CABIN1: variants seen among roughly 807,000 people sequenced by gnomAD.
CABIN1 encodes the protein calcineurin binding protein 1.
In CABIN1, 133 loss-of-function variants were observed where a neutral mutation model predicts 227.7. That is an observed-to-expected ratio of 0.58 (90% CI 0.51 to 0.67). The LOEUF (loss-of-function observed/expected upper bound fraction) is 0.67. Ranked by LOEUF, CABIN1 falls within the 30% of genes least tolerant of loss-of-function variation. CABIN1 has a pLI of 0.00. For synonymous variants in CABIN1, 1,086 were observed against 1,155.1 expected (o/e 0.94, Z 1.21); for missense variants, 2,408 against 2,852.5 (o/e 0.84, Z 3.55).
Position 24,063,044 on chromosome 22 carries a change from A to G in CABIN1, c.1782A>G (p.Leu594=). ...GGACCCACTGCCTGGGTGACCTCCTACAGCTGTCATTTGCCTCGTCCCAGC... is the reference window on the plus strand; with the variant it reads ...GGACCCACTGCCTGGGTGACCTCCTGCAGCTGTCATTTGCCTCGTCCCAGC... The part of the protein sequence containing the change: ...FPGTHCLGDL[L]QLSFASSQRD... Residue 594 remains leucine, a synonymous_variant, in exon 14 of 37, where the codon CTA becomes CTG. Transcript: ENST00000263119. The G allele has an allele frequency of 6.2e-7, 1 of 1,614,036 alleles. No homozygotes were observed. Among genetic ancestry groups the G allele is most frequent in the African/African-American group, 1.3e-5 (1 of 74,992 alleles).
At chr22:24,109,803 C>T (rs968144932) in intron 26 of CABIN1, among the ~76,000 whole-genome samples, 2 of 152,230 alleles carry the variant, frequency 1.3e-5, no homozygotes, top group Admixed American at 6.5e-5. Context: ...GGAACTTGAA[C>T]TTAGCTCTCT....
chr22:24,065,353 C>T (rs2039560296), intron 15 of CABIN1, among the ~76,000 whole-genome samples: 1 of 148,140 alleles, frequency 6.8e-6, no homozygotes, highest in Admixed American at 6.7e-5. Context: ...AGAGGCGCTC[C>T]TCACATCTCA....
At chr22:24,108,063 G>T (rs1051753615) in intron 26 of CABIN1, among the ~76,000 whole-genome samples, 3 of 152,236 alleles carry the variant, frequency 2.0e-5, no homozygotes, top group Non-Finnish European at 4.4e-5. Flanking sequence ...ATGCTGCAGG[G>T]CTGTCACTTG....
At position 24,012,126 on chromosome 22, in the gene CABIN1, A is replaced by G. The variant is rs569438596; in HGVS notation, c.-75+759A>G. ...GTGTTTACATTGTTATATTGTAAGT[A>G]TAATGAGTATAATAGTATTCATAAT... On this transcript the variant is annotated intron_variant, in intron 1 of 36. Transcript: ENST00000263119. Among the ~76,000 whole-genome samples, 10 of 152,344 alleles carry G rather than the reference A, an allele frequency of 6.6e-5. No homozygotes were observed. The East Asian group carries it at 1.7e-3, about 26-fold the overall frequency.
chr22:24,100,811 C>T (rs1019332242), intron 26 of CABIN1, among the ~76,000 whole-genome samples: 2 of 152,244 alleles, frequency 1.3e-5, no homozygotes, highest in Non-Finnish European at 2.9e-5. Context: ...AAGGACTTCA[C>T]TTCTCAATTT....
In CABIN1 at chr22:24,054,968, C is replaced by T. The variant is rs763358389; in HGVS notation, c.902C>T (p.Ser301Leu). The T allele has an allele frequency of 2.5e-5, 41 of 1,614,092 alleles. No homozygotes were observed. The highest frequency in any genetic ancestry group is 1.1e-4 in the East Asian group (5 of 44,900). ...RPSLGKRIDL[S>L]DYQDPSQPLE... is the part of the protein sequence containing the mutation. ...AGCCTTGGCAAAAGGATTGATTTGT[C>T]GGACTACCAGGACCCCAGCCAGCCT... Residue 301 changes from serine (S) to leucine (L), a missense_variant, in exon 9 of 37, where the codon TCG (serine) becomes TTG (leucine). Transcript: ENST00000263119.
intron 1 of CABIN1, among the ~76,000 whole-genome samples, chr22:24,034,148 G>A: frequency 6.6e-6 from 1 of 152,226 alleles, no homozygotes; most frequent in Non-Finnish European, 1.5e-5. Flanking sequence ...AGAATCTAAT[G>A]CTGCTGCTAA....
chr22:24,144,160 G>T (rs938014416), intron 29 of CABIN1, among the ~76,000 whole-genome samples: 1 of 152,206 alleles, frequency 6.6e-6, no homozygotes, highest in Admixed American at 6.5e-5. Context: ...ACCATTCAAG[G>T]TCTGTCTGAA....
intron 1 of CABIN1, among the ~76,000 whole-genome samples, chr22:24,017,739 T>C (rs777728473): frequency 2.6e-5 from 4 of 152,336 alleles, no homozygotes; most frequent in South Asian, 4.1e-4. Flanking sequence ...ATGTATATAC[T>C]ACATTTTGTT....
chr22:24,175,902 G>A (rs2047077071), intron 34 of CABIN1: 1 of 651,730 alleles, frequency 1.5e-6, no homozygotes, highest in South Asian at 1.8e-5. Context: ...CTGGGGGTGG[G>A]GAGCCAGCCC....
chr22:24,049,341 A>T (rs963990174), intron 7 of CABIN1, 121 bp downstream of exon 7: 1 of 1,219,164 alleles, frequency 8.2e-7, no homozygotes, highest in Non-Finnish European at 1.2e-6. Flanking sequence ...CTGGGGCTTC[A>T]TGCCCTGCCG....
chr22:24,086,902 G>C (rs1399415848), intron 22 of CABIN1, among the ~76,000 whole-genome samples: 3 of 152,206 alleles, frequency 2.0e-5, no homozygotes, highest in Non-Finnish European at 4.4e-5. Context: ...GAGAGAGAAT[G>C]GGGTAGAAGC....
intron 27 of CABIN1, among the ~76,000 whole-genome samples, chr22:24,118,344 T>A (rs1302893974): frequency 6.6e-6 from 1 of 152,120 alleles, no homozygotes; most frequent in Non-Finnish European, 1.5e-5. Flanking sequence ...ATAGTGATGG[T>A]GGGCAACCTG....
chr22:24,021,456 T>C (rs939044465), intron 1 of CABIN1, among the ~76,000 whole-genome samples: 3 of 151,592 alleles, frequency 2.0e-5, no homozygotes, highest in Non-Finnish European at 4.4e-5. Flanking sequence ...CAGTGCCCGA[T>C]CAATTTGTCT....
rs1362761270 is a variant in CABIN1 at position 24,119,603 on chromosome 22, A to G, written c.4537A>G (p.Ile1513Val). Residue 1513 changes from isoleucine (I) to valine (V), a missense_variant, in exon 28 of 37, where the codon ATC becomes GTC. Ile to Val is a conservative substitution (Grantham distance 29, BLOSUM62 3). Transcript: ENST00000263119. The stretch of plus-strand genomic sequence containing the variant: ...GCGGCAGTTTCTCACAGAGCAGTGC[A>G]TCGCCTCCTTCCGCCTGTGCCTGAG... ...EQRQFLTEQC[I>V]ASFRLCLSRF... 2 of 1,613,710 alleles carry G rather than the reference A, an allele frequency of 1.2e-6. No homozygotes were observed. The highest frequency in any genetic ancestry group is 1.1e-5 in the South Asian group (1 of 91,080).
rs745614916 is a variant in CABIN1, at chr22:24,050,914, C to G, written c.746C>G (p.Ala249Gly). ...EALGLRKKRQ[A>G]LIVREKEPDL... ...TTGGGGCTGCGAAAAAAGAGGCAAG[C>G]GCTGATTGTGCGGGAGAAGGAGCCG... The change falls in exon 8 of 37, where the codon GCG (alanine) becomes GGG (glycine). Residue 249 changes from alanine (A) to glycine (G), a missense_variant. Ala to Gly is a moderately conservative substitution (Grantham distance 60). This residue lies in a region of CABIN1 where 1,045 missense variants were observed against 1,168.4 expected (regional missense o/e 0.89). Transcript: ENST00000263119. 1.2e-6 allele frequency: 2 copies of G among 1,614,052 alleles called. No individual in the cohort carries two copies. Among genetic ancestry groups the G allele is most frequent in the East Asian group, 4.5e-5 (2 of 44,890 alleles).
chr22:24,050,751 T>A, intron 7 of CABIN1, 74 bp from the exon 8 acceptor site: 2 of 1,577,194 alleles, frequency 1.3e-6, no homozygotes, highest in African/African-American at 2.7e-5. Context: ...CCTAAATGCA[T>A]TTTTGTGTGT....
At position 24,055,422 on chromosome 22, in the gene CABIN1, C is replaced by T. The variant is rs557835266; in HGVS notation, c.1093+263C>T. On this transcript the variant is annotated intron_variant, in intron 9 of 36. Transcript: ENST00000263119. ...ATGCAGCTCCTGGTCCTTGACAGTT[C>T]CCCCAGGACCATTTAGTGCCTGGCA... 2.0e-5 allele frequency among the ~76,000 whole-genome samples: 3 copies of T among 152,342 alleles called. No homozygotes were observed. In the East Asian group the frequency reaches 5.8e-4, roughly 29 times the overall value.
chr22:24,036,796 G>A (rs2036929843), intron 3 of CABIN1, among the ~76,000 whole-genome samples: 1 of 151,946 alleles, frequency 6.6e-6, no homozygotes, highest in South Asian at 2.1e-4. Context: ...GCATTTTATG[G>A]TAGAAATCAG....
Sources: allele counts gnomAD v4.1 joint callset (sites outside exome capture counted in the v4.1 genomes callset), GRCh38; gene constraint gnomAD v4.1.1; regional missense constraint gnomAD v4.1.1; transcripts MANE v1.5; gene names NCBI Gene and HGNC (gene_info 2026-07-23, HGNC 2026-07-21).